KLHL14: variants seen among roughly 807,000 people sequenced by gnomAD.
The protein encoded by KLHL14 is kelch like family member 14.
A neutral mutation model predicts 64.3 loss-of-function variants in KLHL14; 22 were observed. The ratio of observed to expected loss-of-function variants is 0.34; its 90% CI spans 0.24 to 0.49. The LOEUF (loss-of-function observed/expected upper bound fraction) is 0.49, where lower values mean the gene tolerates loss of function less well. Ranked by LOEUF, KLHL14 falls within the 20% of genes least tolerant of loss-of-function variation. The probability of loss-of-function intolerance (pLI) is 0.99; values close to 1 mark genes in which losing one functional copy is unlikely to be tolerated. For missense variants in KLHL14, 661 were observed against 789.0 expected, an observed-to-expected ratio of 0.84 and a Z score of 1.94; for synonymous variants, 322 against 333.4, an observed-to-expected ratio of 0.97 and a Z score of 0.37.
intron 4 of KLHL14, among the ~76,000 whole-genome samples, chr18:32,694,058 TA>T (rs1406273370): frequency 2.6e-5 from 4 of 152,204 alleles, no homozygotes; most frequent in Non-Finnish European, 5.9e-5. Flanking sequence ...CTTAAGACCT[TA>T]AGTCAGGGAG....
intron 2 of KLHL14, among the ~76,000 whole-genome samples, chr18:32,745,978 A>C (rs530844008): frequency 7.2e-5 from 11 of 152,316 alleles, no homozygotes; most frequent in African/African-American, 2.4e-4. Context: ...GTTTAATTTT[A>C]GATTAGTCAA....
chr18:32,748,375 ATT>A (rs35840363), intron 2 of KLHL14, among the ~76,000 whole-genome samples: 19 of 144,834 alleles, frequency 1.3e-4, no homozygotes, highest in Non-Finnish European at 1.8e-4. Flanking sequence ...GTATTTTTTA[ATT>A]TTTTTTTTTT....
chr18:32,739,642 GCACACACACA>G (rs61442102), intron 3 of KLHL14, among the ~76,000 whole-genome samples: 30 of 147,188 alleles, frequency 2.0e-4, no homozygotes, highest in African/African-American at 3.5e-4. Context: ...TAAGAACTTT[GCACACACACA>G]CACACACACA....
chr18:32,760,581 GCCAGTCTCCATACGGTGGC>G, intron 2 of KLHL14, among the ~76,000 whole-genome samples: 1 of 152,258 alleles, frequency 6.6e-6, no homozygotes, highest in Admixed American at 6.5e-5. Context: ...CCTCCAGTGA[GCCAGTCTCCATACGGTGGC>G]CCAGCTGAGC....
In KLHL14 at chr18:32,680,189, A is replaced by G; in HGVS notation, c.1568T>C (p.Ile523Thr). ...LAVMNDRLYA[I>T]GGNHLKGFSH... is the part of the protein sequence containing the mutation. ...AAGACCTTTCAAATGATTTCCTCCAATTGCATACAAGCGATCATTCATTAC... is the reference window on the plus strand; with the variant it reads ...AAGACCTTTCAAATGATTTCCTCCAGTTGCATACAAGCGATCATTCATTAC... Residue 523 changes from isoleucine to threonine, a missense_variant, in exon 7 of 9, where the codon ATT becomes ACT. By Grantham distance (89) the Ile-to-Thr change is moderately conservative (BLOSUM62 -1). Coordinates refer to ENST00000359358, the MANE Select transcript of KLHL14 (RefSeq NM_020805.3). This position sits in a 1 kb window ranked among gnomAD's most constrained non-coding sequence, Gnocchi z 4.8. 1 of 1,613,642 alleles carries G rather than the reference A, an allele frequency of 6.2e-7. No homozygotes were observed. The highest frequency in any genetic ancestry group is 8.5e-7 in the Non-Finnish European group (1 of 1,179,736).
chr18:32,702,354 T>TA (rs1568068867), intron 3 of KLHL14, among the ~76,000 whole-genome samples: 2 of 139,532 alleles, frequency 1.4e-5, no homozygotes, highest in African/African-American at 5.2e-5. Context: ...TTTTTTTTTT[T>TA]TAAAAAAAAG....
At chr18:32,715,777 C>A (rs148976045) in intron 3 of KLHL14, among the ~76,000 whole-genome samples, 168 of 152,276 alleles carry the variant, frequency 1.1e-3, no homozygotes, top group African/African-American at 3.9e-3. Context: ...TAGCTCCTCA[C>A]CTCAAGTAGC....
At chr18:32,749,512 A>G (rs1000366085) in intron 2 of KLHL14, among the ~76,000 whole-genome samples, 1 of 152,156 alleles carries the variant, frequency 6.6e-6, no homozygotes, top group African/African-American at 2.4e-5. Context: ...TCTACTTGTA[A>G]CCAAAGCCAC....
Position 32,769,744 on chromosome 18 carries a change from A to C in KLHL14, c.848T>G (p.Phe283Cys). 1 of 1,602,704 alleles carries C rather than the reference A, an allele frequency of 6.2e-7. No individual in the cohort carries two copies. The highest frequency in any genetic ancestry group is 8.5e-7 in the Non-Finnish European group (1 of 1,172,944). ...CTGGCAGACCGGGTCGGTTCGCATGAAATCCACTGACTGGACCCGCTCCAC... is the reference window on the plus strand; with the variant it reads ...CTGGCAGACCGGGTCGGTTCGCATGCAATCCACTGACTGGACCCGCTCCAC... The part of the protein sequence containing the change: ...ELVERVQSVD[F>C]MRTDPVCQKL... Residue 283 changes from phenylalanine (F) to cysteine (C), a missense_variant, in exon 2 of 9, where the codon TTC becomes TGC. Transcript: ENST00000359358.
chr18:32,719,916 A>G (rs2050068224), intron 3 of KLHL14, among the ~76,000 whole-genome samples: 1 of 152,188 alleles, frequency 6.6e-6, no homozygotes. Flanking sequence ...ACCTACTTCA[A>G]TCTCAGCCAA....
chr18:32,689,965 G>A (rs2049898863), intron 4 of KLHL14, among the ~76,000 whole-genome samples: 1 of 152,198 alleles, frequency 6.6e-6, no homozygotes, highest in Non-Finnish European at 1.5e-5. Flanking sequence ...ATTTAGTGGA[G>A]CTGAATAGTA....
intron 3 of KLHL14, among the ~76,000 whole-genome samples, chr18:32,718,365 G>A (rs2050057066): frequency 6.6e-6 from 1 of 152,014 alleles, no homozygotes; most frequent in African/African-American, 2.4e-5. Context: ...TCTTTCTCCT[G>A]GCACAATAAG....
chr18:32,687,421 C>G (rs550361957), intron 4 of KLHL14, among the ~76,000 whole-genome samples, 188 bp from the exon 5 acceptor site: 1 of 152,310 alleles, frequency 6.6e-6, no homozygotes, highest in South Asian at 2.1e-4. Flanking sequence ...TGTTTTTCCT[C>G]TTTCCTTCTC....
intron 3 of KLHL14, among the ~76,000 whole-genome samples, chr18:32,736,216 G>A (rs550352535): frequency 6.6e-6 from 1 of 152,058 alleles, no homozygotes; most frequent in African/African-American, 2.4e-5. Flanking sequence ...ACAGTATTTG[G>A]AGTGACCACC....
intron 2 of KLHL14, among the ~76,000 whole-genome samples, chr18:32,749,313 C>A (rs2050240229): frequency 6.6e-6 from 1 of 152,148 alleles, no homozygotes; most frequent in Non-Finnish European, 1.5e-5. Context: ...TTTCCGAAGC[C>A]AGGTTAATTA....
At chr18:32,763,109 T>TTG (rs2050323009) in intron 2 of KLHL14, among the ~76,000 whole-genome samples, 1 of 44,610 alleles carries the variant, frequency 2.2e-5, no homozygotes, top group South Asian at 2.1e-3. Flanking sequence ...AGCTTCAAGG[T>TTG]TTTTTTTTTT....
chr18:32,757,468 C>T (rs2050287913), intron 2 of KLHL14, among the ~76,000 whole-genome samples: 2 of 152,148 alleles, frequency 1.3e-5, no homozygotes, highest in Admixed American at 1.3e-4. Context: ...TCCTGCTGAT[C>T]CCCACAAGGA....
Position 32,770,771 on chromosome 18 carries a change from G to A in KLHL14, c.-43-137C>T, listed in dbSNP as rs996969777. The A allele has an allele frequency of 1.7e-6, 1 of 575,178 alleles. No homozygotes were observed. The highest frequency in any genetic ancestry group is 3.1e-5 in the South Asian group (1 of 31,966). 35.6% of individuals were successfully genotyped at this position (575,178 alleles called of 1,614,324 possible). ...TCAAGGCTCAGCTTGACTCCCTCCTGGCGCGCTCCGGACCCCGACCCTAGG... is the reference window on the plus strand; with the variant it reads ...TCAAGGCTCAGCTTGACTCCCTCCTAGCGCGCTCCGGACCCCGACCCTAGG... On this transcript the variant is annotated intron_variant, in intron 1 of 8. Transcript: ENST00000359358. This position sits in a 1 kb window ranked among gnomAD's most constrained non-coding sequence, Gnocchi z 6.7.
At chr18:32,703,525 A>G (rs536856469) in intron 3 of KLHL14, among the ~76,000 whole-genome samples, 1 of 152,334 alleles carries the variant, frequency 6.6e-6, no homozygotes, top group African/African-American at 2.4e-5. Context: ...CTGGCCATAT[A>G]TTATTTCTTT....
Sources: gnomAD v4.1 joint callset for allele counts (sites outside exome capture counted in the v4.1 genomes callset) on GRCh38, gnomAD v4.1.1 for gene constraint, Gnocchi (gnomAD v3.1) non-coding constraint, MANE v1.5 for transcripts, NCBI Gene and HGNC (gene_info 2026-07-23, HGNC 2026-07-21) for gene names.